Variants in USP8 observed in about 807,000 individuals in gnomAD.
USP8 encodes ubiquitin specific peptidase 8.
Under a neutral mutation model 130.0 loss-of-function variants are expected in USP8, and 27 were observed. That is an observed-to-expected ratio of 0.21 (90% confidence interval 0.15 to 0.29). USP8 has a LOEUF of 0.29. USP8 is among the 10% of genes least tolerant of loss of function. The pLI is 1.00. For synonymous variants in USP8, 392 were observed against 444.1 expected, an observed-to-expected ratio of 0.88 and a Z score of 1.48; for missense variants, 1,029 against 1,312.2, an observed-to-expected ratio of 0.78 and a Z score of 3.33.
chr15:50,492,645 C>G (rs1336151668), intron 14 of USP8, 56 bp from the exon 15 acceptor site: 23 of 1,573,702 alleles, frequency 1.5e-5, no homozygotes, highest in Non-Finnish European at 1.8e-5. Flanking sequence ...TAGTATAGAA[C>G]CTTAATTTCA....
At chr15:50,474,179 T>C (rs2051483596) in intron 8 of USP8, among the ~76,000 whole-genome samples, 2 of 152,064 alleles carry the variant, frequency 1.3e-5, no homozygotes, top group Admixed American at 1.3e-4. Flanking sequence ...TTTTATTTTA[T>C]TTTTGTAGAG....
Position 50,477,483 on chromosome 15 carries a change from T to C in USP8, c.1202T>C (p.Ile401Thr). 1.9e-6 allele frequency: 3 copies of C among 1,612,856 alleles called. No individual in the cohort carries two copies. The highest frequency in any genetic ancestry group is 2.5e-6 in the Non-Finnish European group (3 of 1,179,510). Reference sequence around the variant, plus strand: ...CCCATAATTCAGCCAGTGCCTAGTATAAAGAATGTTCCACAGGTATGTTCT... The same window carrying C: ...CCCATAATTCAGCCAGTGCCTAGTACAAAGAATGTTCCACAGGTATGTTCT... ...VSPIIQPVPS[I>T]KNVPQIDRTK... The change falls in exon 10 of 20, where the codon ATA (isoleucine) becomes ACA (threonine). Residue 401 changes from isoleucine to threonine, a missense_variant. Ile to Thr is a moderately conservative substitution (Grantham distance 89). Transcript: ENST00000307179.
Position 50,459,306 on chromosome 15 carries a change from G to T in USP8, c.498+144G>T, listed in dbSNP as rs1016192273. On this transcript the variant is annotated intron_variant, in intron 5 of 19. Transcript: ENST00000307179. Reference sequence around the variant, plus strand: ...TTTAATTAGAAATTTATTTAAGGCTGGGCACGGTGGCTCACGCCTGTAATC... The same window carrying T: ...TTTAATTAGAAATTTATTTAAGGCTTGGCACGGTGGCTCACGCCTGTAATC... 1.7e-5 allele frequency: 20 copies of T among 1,211,204 alleles called. No individual in the cohort carries two copies. The African/African-American group carries it at 3.0e-4, about 18-fold the overall frequency. 75.0% of individuals were successfully genotyped at this position (1,211,204 alleles called of 1,614,324 possible). A position where few individuals can be genotyped will look rare whatever the true frequency, so the allele number is the denominator to read the frequency against.
rs1176538818 is a variant in USP8 at position 50,476,470 on chromosome 15, G to A, written c.850-379G>A. Among the ~76,000 whole-genome samples the A allele has an allele frequency of 7.9e-5, 12 of 152,282 alleles. No homozygotes were observed. In the South Asian group the frequency reaches 1.0e-3, roughly 13 times the overall value. On this transcript the variant is annotated intron_variant, in intron 8 of 19. Coordinates refer to ENST00000307179, the MANE Select transcript of USP8 (RefSeq NM_005154.5). ...TCGAATATTACCTAGCATTGCAAAT[G>A]ATGATATAGCTCTATAGTGATGAAA...
At chr15:50,442,969 G>C (rs545414460) in intron 3 of USP8, among the ~76,000 whole-genome samples, 11 of 152,176 alleles carry the variant, frequency 7.2e-5, no homozygotes, top group Non-Finnish European at 1.6e-4. Flanking sequence ...TGGTAGAATT[G>C]GCTTCTATTG....
chr15:50,492,001 A>G (rs2052189484), intron 14 of USP8, among the ~76,000 whole-genome samples: 1 of 152,052 alleles, frequency 6.6e-6, no homozygotes, highest in Admixed American at 6.6e-5. Context: ...AGCTGGGACT[A>G]TAGACGTCCA....
chr15:50,476,942 G>A lies in USP8; in HGVS notation c.943G>A (p.Ala315Thr). 6 of 1,610,222 alleles carry A rather than the reference G, an allele frequency of 3.7e-6. No individual in the cohort carries two copies. The highest frequency in any genetic ancestry group is 5.1e-6 in the Non-Finnish European group (6 of 1,179,356). The change falls in exon 9 of 20, where the codon GCT (alanine) becomes ACT (threonine). Residue 315 changes from alanine to threonine, a missense_variant. Transcript: ENST00000307179. Reference protein sequence around the residue: ...LLCYPQYTTNAKVTPPPRRQN... With the variant: ...LLCYPQYTTNTKVTPPPRRQN... ...TTGTTATCCCCAGTATACAACAAAT[G>A]CTAAGGTCACTCCACCCCCACGACG...
At chr15:50,427,858 C>G (rs1345672346) in intron 1 of USP8, among the ~76,000 whole-genome samples, 2 of 148,384 alleles carry the variant, frequency 1.3e-5, no homozygotes, top group Non-Finnish European at 3.0e-5. Context: ...CATACCTGGC[C>G]CTTTTTTTTT....
At chr15:50,435,171 C>T (rs1359851696) in intron 1 of USP8, among the ~76,000 whole-genome samples, 1 of 152,042 alleles carries the variant, frequency 6.6e-6, no homozygotes, top group Non-Finnish European at 1.5e-5. Context: ...CAAAATGCAG[C>T]AGAATGACTT....
chr15:50,476,379 G>A (rs1233539342), intron 8 of USP8, among the ~76,000 whole-genome samples: 3 of 152,188 alleles, frequency 2.0e-5, no homozygotes, highest in Non-Finnish European at 2.9e-5. Context: ...GCAGTGAGTC[G>A]TGATTATGCC....
In USP8 at chr15:50,507,358, C is replaced by G. The variant is rs1459630958; in HGVS notation, c.*8270C>G. On this transcript the variant is annotated 3_prime_UTR_variant, in exon 20 of 20. Transcript: ENST00000307179. ...TTTAGAACTCAGAAAAGGTGTATTT[C>G]CCTTGAGCATCATGTTGGTGCTTAA... 1 of 152,206 alleles carries G rather than the reference C, an allele frequency of 6.6e-6. No individual in the cohort carries two copies. Among genetic ancestry groups the G allele is most frequent in the African/African-American group, 2.4e-5 (1 of 41,442 alleles). 9.4% of individuals were successfully genotyped at this position (152,206 alleles called of 1,614,324 possible).
intron 5 of USP8, 60 bp downstream of exon 5, chr15:50,459,222 A>C (rs2050897867): frequency 6.5e-7 from 1 of 1,545,236 alleles, no homozygotes; most frequent in Non-Finnish European, 8.7e-7. Context: ...TGATTTGCTT[A>C]AAAAGAGTTG....
intron 8 of USP8, among the ~76,000 whole-genome samples, chr15:50,474,830 T>A (rs2051506359): frequency 6.6e-6 from 1 of 152,310 alleles, no homozygotes; most frequent in East Asian, 1.9e-4. Flanking sequence ...TGTTTATGGC[T>A]GGCCGCGGTG....
At chr15:50,426,097 G>A (rs1174358716) in intron 1 of USP8, among the ~76,000 whole-genome samples, 1 of 152,086 alleles carries the variant, frequency 6.6e-6, no homozygotes, top group Non-Finnish European at 1.5e-5. Flanking sequence ...CTCCAGCCTG[G>A]GTGACAAGAG....
chr15:50,496,206 C>T lies in USP8; in HGVS notation c.2895+122C>T, dbSNP rs527246191. 9.2e-5 allele frequency: 72 copies of T among 780,684 alleles called. 1 individual carries two copies. The highest frequency in any genetic ancestry group is 5.5e-4 in the South Asian group (30 of 54,478). The allele number at this position is 780,684 out of a possible 1,614,324, so 48.4% of individuals were successfully genotyped here. A position where few individuals can be genotyped will look rare whatever the true frequency, so the allele number is the denominator to read the frequency against. On this transcript the variant is annotated intron_variant, in intron 17 of 19. Transcript: ENST00000307179. ...ATTTTATCAGTAAAACTCGGCCGGGCGCAGTGGCTCATACCTTGTACTCCC... is the reference window on the plus strand; with the variant it reads ...ATTTTATCAGTAAAACTCGGCCGGGTGCAGTGGCTCATACCTTGTACTCCC...
Position 50,441,246 on chromosome 15 carries a change from G to T in USP8, c.105-103G>T. 4.4e-6 allele frequency: 5 copies of T among 1,143,924 alleles called. No homozygotes were observed. The South Asian group carries it at 9.4e-5, about 21-fold the overall frequency. The allele number at this position is 1,143,924 out of a possible 1,614,324, so 70.9% of individuals were successfully genotyped here. On this transcript the variant is annotated intron_variant, in intron 2 of 19. Transcript: ENST00000307179. The stretch of plus-strand genomic sequence containing the variant: ...AACCAGTACCAATCTGTGGCCCTGG[G>T]GTTGGGGATCCCTGATAAAGATTAT...
At chr15:50,474,498 G>A (rs1366498190) in intron 8 of USP8, among the ~76,000 whole-genome samples, 1 of 152,156 alleles carries the variant, frequency 6.6e-6, no homozygotes, top group Non-Finnish European at 1.5e-5. Context: ...GAAACTGCCA[G>A]TATTCAACTG....
intron 1 of USP8, among the ~76,000 whole-genome samples, chr15:50,430,449 G>A (rs2049895308): frequency 6.6e-6 from 1 of 152,094 alleles, no homozygotes; most frequent in Admixed American, 6.5e-5. Context: ...TATTGCTCAG[G>A]CTGGAGTGCA....
Position 50,476,902 on chromosome 15 carries a change from T to C in USP8, c.903T>C (p.Tyr301=), listed in dbSNP as rs749715418. ...AGCCTTTGGTTTTAGAGGGAGGCTA[T>C]GAAAACTGGCTCCTTTGTTATCCCC... ...RNEPLVLEGG[Y]ENWLLCYPQY... The change falls in exon 9 of 20, where the codon TAT becomes TAC. Residue 301 remains tyrosine, a synonymous_variant. Coordinates refer to ENST00000307179, the MANE Select transcript of USP8 (RefSeq NM_005154.5). 1.2e-6 allele frequency: 2 copies of C among 1,604,750 alleles called. No individual in the cohort carries two copies. The highest frequency in any genetic ancestry group is 2.3e-5 in the South Asian group (2 of 88,436).
Sources: gnomAD v4.1 joint callset for allele counts (sites outside exome capture counted in the v4.1 genomes callset) on GRCh38, gnomAD v4.1.1 for gene constraint, MANE v1.5 for transcripts, NCBI Gene and HGNC (gene_info 2026-07-23, HGNC 2026-07-21) for gene names.